The following AVL9 variants were observed in gnomAD, a reference collection of about 807,000 sequenced individuals.
AVL9 encodes the protein late secretory pathway protein AVL9 homolog.
A neutral mutation model predicts 79.2 loss-of-function variants in AVL9; 49 were observed. The ratio of observed to expected loss-of-function variants is 0.62; its 90% CI spans 0.49 to 0.79. The LOEUF (loss-of-function observed/expected upper bound fraction) is 0.79. Among genes scored for constraint, AVL9 ranks in the 30% least tolerant of loss-of-function variants. The pLI is 0.00. For synonymous variants in AVL9, 299 were observed against 280.6 expected, an observed-to-expected ratio of 1.07 and a Z score of -0.65; for missense variants, 682 against 776.8, an observed-to-expected ratio of 0.88 and a Z score of 1.45.
intron 1 of AVL9, chr7:32,536,392 C>G (rs1425405326): frequency 6.6e-6 from 1 of 152,116 alleles, no homozygotes; most frequent in East Asian, 1.9e-4. Context: ...AAGAGAATTC[C>G]TCTTTAGCCT....
chr7:32,498,438 C>T (rs1473296441), intron 1 of AVL9, among the ~76,000 whole-genome samples: 1 of 151,738 alleles, frequency 6.6e-6, no homozygotes, highest in African/African-American at 2.4e-5. Flanking sequence ...TTGGTAGAGA[C>T]GGGGTTTCAC....
intron 1 of AVL9, among the ~76,000 whole-genome samples, chr7:32,514,846 G>A (rs185244840): frequency 6.6e-6 from 1 of 151,994 alleles, no homozygotes; most frequent in African/African-American, 2.4e-5. Flanking sequence ...CTCTCTTTTC[G>A]GACTCAGCCC....
chr7:32,571,910 TC>T (rs1790863183), intron 11 of AVL9, among the ~76,000 whole-genome samples: 1 of 152,194 alleles, frequency 6.6e-6, no homozygotes, highest in South Asian at 2.1e-4. Context: ...ACGCCTGTAA[TC>T]CCAGCACTTT....
chr7:32,553,984 A>T (rs1562784595), intron 7 of AVL9, among the ~76,000 whole-genome samples: 2 of 152,202 alleles, frequency 1.3e-5, no homozygotes, highest in Non-Finnish European at 2.9e-5. Flanking sequence ...AAAGAGCACA[A>T]ATACTGTTTA....
At chr7:32,519,372 G>A (rs1256077833) in intron 1 of AVL9, among the ~76,000 whole-genome samples, 3 of 151,354 alleles carry the variant, frequency 2.0e-5, no homozygotes, top group African/African-American at 4.9e-5. Context: ...AGGTTGCAGT[G>A]AGCTGACACT....
intron 3 of AVL9, 81 bp from the exon 4 acceptor site, chr7:32,548,766 A>G (rs1244788498): frequency 7.0e-6 from 7 of 996,110 alleles, no homozygotes; most frequent in Non-Finnish European, 8.6e-6. Flanking sequence ...CTTATATATA[A>G]TTTCTATTTT....
intron 1 of AVL9, among the ~76,000 whole-genome samples, chr7:32,515,284 AAG>A (rs1787859637): frequency 6.6e-6 from 1 of 152,194 alleles, no homozygotes; most frequent in Admixed American, 6.5e-5. Context: ...CAACCGATGA[AAG>A]AGACTCTGAG....
At chr7:32,546,083 T>TTTA (rs1554340432) in intron 3 of AVL9, among the ~76,000 whole-genome samples, 10 of 144,750 alleles carry the variant, frequency 6.9e-5, no homozygotes, top group African/African-American at 1.8e-4. Context: ...TTTTTTTTTT[T>TTTA]AAATATCTGT....
intron 1 of AVL9, among the ~76,000 whole-genome samples, chr7:32,523,735 T>TC (rs1788279103): frequency 1.1e-5 from 1 of 94,024 alleles, no homozygotes; most frequent in Admixed American, 1.1e-4. Context: ...TCTTTTCTTT[T>TC]CTTTTTTTTT....
chr7:32,572,141 G>A (rs1790874480), intron 11 of AVL9, among the ~76,000 whole-genome samples: 1 of 147,708 alleles, frequency 6.8e-6, no homozygotes, highest in South Asian at 2.1e-4. Flanking sequence ...CAGCTTGGGC[G>A]ATAGAGTGAA....
intron 1 of AVL9, among the ~76,000 whole-genome samples, chr7:32,522,486 A>G (rs538348450): frequency 3.3e-5 from 5 of 152,178 alleles, no homozygotes; most frequent in South Asian, 2.1e-4. Flanking sequence ...GTTTTGGCCA[A>G]TTTCTCTCAT....
At chr7:32,580,753 T>C (rs754354491) in intron 14 of AVL9, 49 bp from the exon 15 acceptor site, 4 of 1,417,100 alleles carry the variant, frequency 2.8e-6, no homozygotes, top group East Asian at 4.6e-5. Flanking sequence ...GTGTGTGAGA[T>C]TTTTTTAAAA....
chr7:32,549,918 C>A (rs1449823241), intron 4 of AVL9, among the ~76,000 whole-genome samples: 213 of 131,400 alleles, frequency 1.6e-3, no homozygotes, highest in Admixed American at 2.1e-3. Flanking sequence ...GACTCCGTCT[C>A]AAAAAAAAAA....
intron 1 of AVL9, chr7:32,535,031 A>G (rs1029321185): frequency 3.3e-5 from 5 of 152,236 alleles, no homozygotes; most frequent in Admixed American, 1.3e-4. Context: ...AAATGTAGAT[A>G]TTCTTTATAA....
intron 4 of AVL9, 84 bp from the exon 5 acceptor site, chr7:32,551,250 T>C (rs1373951764): frequency 1.2e-6 from 1 of 851,434 alleles, no homozygotes; most frequent in African/African-American, 1.7e-5. Context: ...AGTTGTGGGG[T>C]TCTGTTTGTT....
chr7:32,572,252 TTATAA>T (rs1303739832), intron 11 of AVL9, among the ~76,000 whole-genome samples: 2 of 151,288 alleles, frequency 1.3e-5, no homozygotes, highest in African/African-American at 4.9e-5. Context: ...GGGTGAATGG[TTATAA>T]TATAATGAAA....
intron 6 of AVL9, 51 bp from the exon 7 acceptor site, chr7:32,553,676 G>A: frequency 7.0e-7 from 1 of 1,423,630 alleles, no homozygotes; most frequent in Non-Finnish European, 9.8e-7. Context: ...CCTTTCTGCA[G>A]CAAAAACATT....
chr7:32,584,931 A>C lies in AVL9; in HGVS notation c.*1024A>C, dbSNP rs1323184408. ...ATTATGGACATGCGCCACCATGCCC[A>C]GCTAATTATTGTATTTTTAGTAGAG... On this transcript the variant is annotated 3_prime_UTR_variant, in exon 16 of 16. Coordinates refer to ENST00000318709, the MANE Select transcript of AVL9 (RefSeq NM_015060.3). The C allele has an allele frequency of 2.6e-5, 4 of 151,972 alleles. No individual in the cohort carries two copies. 9.4% of individuals were successfully genotyped at this position (151,972 alleles called of 1,614,324 possible).
Position 32,518,868 on chromosome 7 carries a change from G to T in AVL9, c.93+23066G>T, listed in dbSNP as rs1352302114. 8.5e-5 allele frequency among the ~76,000 whole-genome samples: 13 copies of T among 152,174 alleles called. No homozygotes were observed. The South Asian group carries it at 2.5e-3, about 29-fold the overall frequency. ...AGTATTAAAAATACACTCAATAATTGGTTAAAACAAGATTTCATTAGAAAA... is the reference window on the plus strand; with the variant it reads ...AGTATTAAAAATACACTCAATAATTTGTTAAAACAAGATTTCATTAGAAAA... On this transcript the variant is annotated intron_variant, in intron 1 of 15. Transcript: ENST00000318709.
Sources: gnomAD v4.1 joint callset for allele counts (sites outside exome capture counted in the v4.1 genomes callset) on GRCh38, gnomAD v4.1.1 for gene constraint, MANE v1.5 for transcripts, NCBI Gene and HGNC (gene_info 2026-07-23, HGNC 2026-07-21) for gene names.